The following EXOC3L2 variants were observed in gnomAD, a reference collection of about 807,000 sequenced individuals.
EXOC3L2 encodes the protein exocyst complex component 3 like 2.
Under a neutral mutation model 44.4 loss-of-function variants are expected in EXOC3L2, and 17 were observed. The ratio of observed to expected loss-of-function variants is 0.38; its 90% CI spans 0.26 to 0.57. The LOEUF (loss-of-function observed/expected upper bound fraction) is 0.57, where lower values mean the gene tolerates loss of function less well. Among genes scored for constraint, EXOC3L2 ranks in the 20% least tolerant of loss-of-function variants. The pLI is 0.65. For synonymous variants in EXOC3L2, 256 were observed against 253.7 expected, an observed-to-expected ratio of 1.01 and a Z score of -0.09; for missense variants, 541 against 588.4, an observed-to-expected ratio of 0.92 and a Z score of 0.83.
At chr19:45,228,478 T>C (rs1433555676) in intron 4 of EXOC3L2, among the ~76,000 whole-genome samples, 1 of 152,046 alleles carries the variant, frequency 6.6e-6, no homozygotes. Context: ...TGGAACTTCA[T>C]ATTAAAAGTC....
At chr19:45,230,549 A>G (rs955200027) in intron 4 of EXOC3L2, among the ~76,000 whole-genome samples, 2 of 151,592 alleles carry the variant, frequency 1.3e-5, no homozygotes, top group Non-Finnish European at 2.9e-5. Context: ...CAGTCTTGCT[A>G]TGTTGTCCAG....
intron 11 of EXOC3L2, among the ~76,000 whole-genome samples, chr19:45,214,416 G>GGTGGT (rs1969811857): frequency 1.3e-5 from 2 of 152,150 alleles, no homozygotes; most frequent in African/African-American, 2.4e-5. Context: ...ACTGTCACAT[G>GGTGGT]GTGGTGTGGT....
intron 1 of EXOC3L2, among the ~76,000 whole-genome samples, chr19:45,240,602 A>T (rs1353428612): frequency 6.6e-6 from 1 of 152,150 alleles, no homozygotes; most frequent in Admixed American, 6.6e-5. Flanking sequence ...GTATGCTTTT[A>T]AAATGGCTTA....
chr19:45,235,226 C>G (rs1011485935), intron 2 of EXOC3L2, among the ~76,000 whole-genome samples: 8 of 152,134 alleles, frequency 5.3e-5, no homozygotes, highest in Admixed American at 2.6e-4. Flanking sequence ...ACCCGGAAGG[C>G]AGAGGTTGCA....
chr19:45,242,840 C>A lies in EXOC3L2; in HGVS notation c.-17+2501G>T, dbSNP rs568105781. Among the ~76,000 whole-genome samples the A allele has an allele frequency of 8.9e-5, 11 of 123,070 alleles. No homozygotes were observed. In the East Asian group the frequency reaches 2.6e-3, roughly 29 times the overall value. The allele number at this position is 123,070 out of a possible 152,430, so 80.7% of individuals were successfully genotyped here. A position where few individuals can be genotyped will look rare whatever the true frequency, so the allele number is the denominator to read the frequency against. ...CTGTGCCACTGCACTCCAGCCTAGG[C>A]AACAGAGCGAAACTCCATCTCAAAA... On this transcript the variant is annotated intron_variant, in intron 1 of 11. Transcript: ENST00000413988.
intron 8 of EXOC3L2, among the ~76,000 whole-genome samples, 168 bp downstream of exon 8, chr19:45,224,610 C>T (rs142944840): frequency 3.6e-4 from 55 of 152,200 alleles, no homozygotes; most frequent in Middle Eastern, 3.4e-3. Context: ...GTGGGTGCAC[C>T]CTCTCCACTC....
rs1970106023 is a variant in EXOC3L2 at position 45,238,822 on chromosome 19, C to G, written c.224G>C (p.Arg75Pro). 1.0e-5 allele frequency: 4 copies of G among 398,782 alleles called. No homozygotes were observed. In the Admixed American group the frequency reaches 1.8e-4, roughly 18 times the overall value. The allele number at this position is 398,782 out of a possible 1,614,324, so 24.7% of individuals were successfully genotyped here. A position where few individuals can be genotyped will look rare whatever the true frequency, so the allele number is the denominator to read the frequency against. Residue 75 changes from arginine to proline, a missense_variant, in exon 2 of 12, where the codon CGG (arginine) becomes CCG (proline). Transcript: ENST00000413988. The surrounding 1 kb of genome is among the most constrained non-coding windows in gnomAD (Gnocchi z 5.5). ...CCCATCCCCAGGGCTGCCTGCCCGCCGGCCCGGGGCCCAGCCCAGCCGGAA... is the reference window on the plus strand; with the variant it reads ...CCCATCCCCAGGGCTGCCTGCCCGCGGGCCCGGGGCCCAGCCCAGCCGGAA... The part of the protein sequence containing the change: ...APFRLGWAPG[R>P]RAGSPGDGQP...
In EXOC3L2 at chr19:45,212,902, T is replaced by G. The variant is rs1208789812; in HGVS notation, c.*167A>C. 2.7e-6 allele frequency: 2 copies of G among 727,480 alleles called. No homozygotes were observed. Among genetic ancestry groups the G allele is most frequent in the African/African-American group, 1.9e-5 (1 of 53,642 alleles). 45.1% of individuals were successfully genotyped at this position (727,480 alleles called of 1,614,324 possible). A position where few individuals can be genotyped will look rare whatever the true frequency, so the allele number is the denominator to read the frequency against. ...GGCATGAGCCACCGTGCCTGGCGTT[T>G]GTTTCCCTTCTGTACAGGGAGTTTG... is the stretch of plus-strand genomic sequence containing the variant. On this transcript the variant is annotated 3_prime_UTR_variant, in exon 12 of 12. Coordinates refer to ENST00000413988, the MANE Select transcript of EXOC3L2 (RefSeq NM_001382422.1).
chr19:45,241,256 C>T (rs918630496), intron 1 of EXOC3L2, among the ~76,000 whole-genome samples: 2 of 151,892 alleles, frequency 1.3e-5, no homozygotes, highest in African/African-American at 2.4e-5. Flanking sequence ...TTTGGGAGGC[C>T]GAGGCGGGCG....
rs1970108185 is a variant in EXOC3L2, at chr19:45,238,985, G to T, written c.61C>A (p.Pro21Thr). The T allele has an allele frequency of 5.0e-6, 2 of 399,072 alleles. No homozygotes were observed. The highest frequency in any genetic ancestry group is 8.8e-6 in the Non-Finnish European group (2 of 226,108). The allele number at this position is 399,072 out of a possible 1,614,324, so 24.7% of individuals were successfully genotyped here. A position where few individuals can be genotyped will look rare whatever the true frequency, so the allele number is the denominator to read the frequency against. Reference protein sequence around the residue: ...DPKVPRAGTLPLRSSRNPFEE... With the variant: ...DPKVPRAGTLTLRSSRNPFEE... The stretch of plus-strand genomic sequence containing the variant: ...AAGGGGTTCCGAGAGGACCTCAGGG[G>T]CAGGGTCCCCGCCCGGGGCACCTTA... Residue 21 changes from proline (P) to threonine (T), a missense_variant, in exon 2 of 12, where the codon CCC becomes ACC. By Grantham distance (38) the Pro-to-Thr change is conservative (BLOSUM62 -1). Transcript: ENST00000413988. The surrounding 1 kb of genome is among the most constrained non-coding windows in gnomAD (Gnocchi z 5.5).
Position 45,213,342 on chromosome 19 carries a change from T to G in EXOC3L2, c.2136A>C (p.Ala712=), listed in dbSNP as rs1969799360. 3 of 1,613,402 alleles carry G rather than the reference T, an allele frequency of 1.9e-6. No individual in the cohort carries two copies. The highest frequency in any genetic ancestry group is 2.5e-6 in the Non-Finnish European group (3 of 1,179,700). ...DYPDIRQKHV[A]ALLDIRGLRN... is the part of the protein sequence containing the mutation. ...GCAGGCCACGGATGTCGAGGAGGGC[T>G]GCCACGTGCTTCTGCCTGTGGGGAG... Residue 712 remains alanine, a synonymous_variant, in exon 12 of 12, where the codon GCA becomes GCC. Coordinates refer to ENST00000413988, the MANE Select transcript of EXOC3L2 (RefSeq NM_001382422.1).
intron 3 of EXOC3L2, 52 bp from the exon 4 acceptor site, chr19:45,231,926 G>T: frequency 7.9e-7 from 1 of 1,272,840 alleles, no homozygotes; most frequent in Non-Finnish European, 1.1e-6. Context: ...GGGCTGGGCA[G>T]TTGGAACCTT....
At chr19:45,236,740 T>C (rs781097271) in intron 2 of EXOC3L2, among the ~76,000 whole-genome samples, 6 of 152,076 alleles carry the variant, frequency 3.9e-5, no homozygotes, top group African/African-American at 1.2e-4. Context: ...CTCATGCTTG[T>C]AATCCCAGCA....
intron 8 of EXOC3L2, among the ~76,000 whole-genome samples, chr19:45,220,367 G>C (rs1379743537): frequency 6.6e-6 from 1 of 151,786 alleles, no homozygotes; most frequent in Non-Finnish European, 1.5e-5. Flanking sequence ...CTACTTAGGA[G>C]GCTGATGTGA....
At chr19:45,216,328 C>A in intron 10 of EXOC3L2, 134 bp from the exon 11 acceptor site, 1 of 1,294,742 alleles carries the variant, frequency 7.7e-7, no homozygotes, top group Non-Finnish European at 1.0e-6. Flanking sequence ...GTAATCCCAG[C>A]ACTTTGGGAG....
intron 11 of EXOC3L2, among the ~76,000 whole-genome samples, chr19:45,213,719 C>T (rs994271638): frequency 1.1e-4 from 17 of 151,728 alleles, no homozygotes; most frequent in South Asian, 2.1e-4. Flanking sequence ...CCAAGGCAGG[C>T]GGATCACCTG....
intron 4 of EXOC3L2, among the ~76,000 whole-genome samples, chr19:45,231,105 G>A (rs1387744541): frequency 6.6e-6 from 1 of 151,996 alleles, no homozygotes; most frequent in Non-Finnish European, 1.5e-5. Flanking sequence ...AAATAAAAAA[G>A]TATAATCCTC....
At chr19:45,229,610 C>A (rs1163680067) in intron 4 of EXOC3L2, among the ~76,000 whole-genome samples, 2 of 149,212 alleles carry the variant, frequency 1.3e-5, no homozygotes, top group Non-Finnish European at 3.0e-5. Flanking sequence ...CTTTGGGAGG[C>A]CAAGATGGGC....
At chr19:45,239,572 G>C (rs1378145784) in intron 1 of EXOC3L2, among the ~76,000 whole-genome samples, 1 of 149,126 alleles carries the variant, frequency 6.7e-6, no homozygotes. Context: ...CCAGGCTGGA[G>C]TGCAGTGGCA....
Sources: allele counts gnomAD v4.1 joint callset (sites outside exome capture counted in the v4.1 genomes callset), GRCh38; gene constraint gnomAD v4.1.1; non-coding constraint Gnocchi (gnomAD v3.1); transcripts MANE v1.5; gene names NCBI Gene and HGNC (gene_info 2026-07-23, HGNC 2026-07-21).